GPR61: variants seen among roughly 807,000 people sequenced by gnomAD.
GPR61 encodes G-protein coupled receptor 61.
A neutral mutation model predicts 29.2 loss-of-function variants in GPR61; 15 were observed. The ratio of observed to expected loss-of-function variants is 0.51; its 90% CI spans 0.34 to 0.79. The LOEUF (loss-of-function observed/expected upper bound fraction) is 0.79. Among genes scored for constraint, GPR61 ranks in the 30% least tolerant of loss-of-function variants. GPR61 has a pLI of 0.01. For missense variants in GPR61, 399 were observed against 582.5 expected (o/e 0.69, Z 3.24); for synonymous variants, 238 against 242.3 (o/e 0.98, Z 0.17).
Position 109,544,138 on chromosome 1 carries a change from C to T in GPR61, c.1116C>T (p.Ser372=). ...PAPEEELRLP[S]REGSIEENFL... is the part of the protein sequence containing the mutation. ...CAGAGGAGGAGCTGAGGCTGCCTAG[C>T]CGGGAGGGCTCCATTGAGGAGAACT... The change falls in exon 2 of 2, where the codon AGC becomes AGT. Residue 372 remains serine (S), a synonymous_variant. Coordinates refer to ENST00000527748, the MANE Select transcript of GPR61 (RefSeq NM_001393907.1). This position sits in a 1 kb window ranked among gnomAD's most constrained non-coding sequence, Gnocchi z 4.6. 6.2e-7 allele frequency: 1 copy of T among 1,614,108 alleles called. No individual in the cohort carries two copies. Among genetic ancestry groups the T allele is most frequent in the East Asian group, 2.2e-5 (1 of 44,876 alleles).
intron 1 of GPR61, among the ~76,000 whole-genome samples, chr1:109,541,760 A>C (rs1647648480): frequency 6.6e-6 from 1 of 152,238 alleles, no homozygotes; most frequent in Non-Finnish European, 1.5e-5. Flanking sequence ...AGAGGGGCAC[A>C]GTGGCCTTGA....
rs1647690380 is a variant in GPR61 at position 109,543,235 on chromosome 1, T to C, written c.213T>C (p.Pro71=). ...AAVMAVIAKT[P]ALRKFVFVFH... Reference sequence around the variant, plus strand: ...TGATGGCCGTGATCGCCAAGACGCCTGCCCTCCGAAAATTTGTCTTCGTCT... The same window carrying C: ...TGATGGCCGTGATCGCCAAGACGCCCGCCCTCCGAAAATTTGTCTTCGTCT... Residue 71 remains proline (P), a synonymous_variant, in exon 2 of 2, where the codon CCT becomes CCC. Coordinates refer to ENST00000527748, the MANE Select transcript of GPR61 (RefSeq NM_001393907.1). The surrounding 1 kb of genome is among the most constrained non-coding windows in gnomAD (Gnocchi z 6.8). 5 of 1,614,088 alleles carry C rather than the reference T, an allele frequency of 3.1e-6. No individual in the cohort carries two copies. Among genetic ancestry groups the C allele is most frequent in the East Asian group, 2.2e-5 (1 of 44,880 alleles).
intron 1 of GPR61, among the ~76,000 whole-genome samples, chr1:109,540,916 C>T (rs184299633): frequency 5.3e-4 from 80 of 152,300 alleles, no homozygotes; most frequent in African/African-American, 1.8e-3. Flanking sequence ...TCCAGCTCCA[C>T]GTGGAAACCA....
In GPR61 at chr1:109,546,593, T is replaced by G. The variant is rs1002888054; in HGVS notation, c.*2215T>G. 1 of 152,218 alleles carries G rather than the reference T, an allele frequency of 6.6e-6. No individual in the cohort carries two copies. The highest frequency in any genetic ancestry group is 1.5e-5 in the Non-Finnish European group (1 of 68,030). The allele number at this position is 152,218 out of a possible 1,614,324, so 9.4% of individuals were successfully genotyped here. On this transcript the variant is annotated 3_prime_UTR_variant, in exon 2 of 2. Coordinates refer to ENST00000527748, the MANE Select transcript of GPR61 (RefSeq NM_001393907.1). ...TTTGCCCTCCAGCCCTTCCTTCACA[T>G]ACATCAAAGAAGAAAGTTTTAAGAG... is the stretch of plus-strand genomic sequence containing the variant.
intron 1 of GPR61, among the ~76,000 whole-genome samples, chr1:109,542,124 A>C (rs1647660303): frequency 6.6e-6 from 1 of 152,372 alleles, no homozygotes; most frequent in South Asian, 2.1e-4. Context: ...CTGGGGCCAG[A>C]CTGCCCAGGT....
In GPR61 at chr1:109,543,832, G is replaced by A. The variant is rs200103322; in HGVS notation, c.810G>A (p.Gly270=). 2.6e-5 allele frequency: 42 copies of A among 1,613,340 alleles called. No homozygotes were observed. Among genetic ancestry groups the A allele is most frequent in the Non-Finnish European group, 3.5e-5 (41 of 1,180,052 alleles). ...GCTCCACGATGGTCACCAGCTCGGG[G>A]GCCCCCCAGACCACCCCACACCGGA... ...SSRSTMVTSS[G]APQTTPHRTF... The change falls in exon 2 of 2, where the codon GGG becomes GGA. Residue 270 remains glycine (G), a synonymous_variant. Coordinates refer to ENST00000527748, the MANE Select transcript of GPR61 (RefSeq NM_001393907.1). This position sits in a 1 kb window ranked among gnomAD's most constrained non-coding sequence, Gnocchi z 6.8.
chr1:109,546,411 A>G lies in GPR61; in HGVS notation c.*2033A>G, dbSNP rs1215131399. The G allele has an allele frequency of 6.6e-6, 1 of 152,120 alleles. No individual in the cohort carries two copies. Among genetic ancestry groups the G allele is most frequent in the East Asian group, 1.9e-4 (1 of 5,190 alleles). The allele number at this position is 152,120 out of a possible 1,614,324, so 9.4% of individuals were successfully genotyped here. A position where few individuals can be genotyped will look rare whatever the true frequency, so the allele number is the denominator to read the frequency against. On this transcript the variant is annotated 3_prime_UTR_variant, in exon 2 of 2. Coordinates refer to ENST00000527748, the MANE Select transcript of GPR61 (RefSeq NM_001393907.1). The stretch of plus-strand genomic sequence containing the variant: ...GGAAAAAACTCTTCTTTCAAACACC[A>G]CTGATCAGCTATTAGATCCAAGGAA...
In GPR61 at chr1:109,543,283, G is replaced by A; in HGVS notation, c.261G>A (p.Leu87=). The A allele has an allele frequency of 6.2e-7, 1 of 1,614,086 alleles. No individual in the cohort carries two copies. The highest frequency in any genetic ancestry group is 1.1e-5 in the South Asian group (1 of 91,088). The change falls in exon 2 of 2, where the codon CTG becomes CTA. Residue 87 remains leucine, a synonymous_variant. Transcript: ENST00000527748. The surrounding 1 kb of genome is among the most constrained non-coding windows in gnomAD (Gnocchi z 6.8). ...VFVFHLCLVD[L]LAALTLMPLA... ...TCTTCCACCTCTGCCTGGTGGACCT[G>A]CTGGCTGCCCTGACCCTCATGCCCC...
intron 1 of GPR61, among the ~76,000 whole-genome samples, chr1:109,540,447 C>A (rs527765769): frequency 6.6e-6 from 1 of 152,176 alleles, no homozygotes; most frequent in Non-Finnish European, 1.5e-5. Context: ...CATGTGAATC[C>A]CAATACCTCT....
chr1:109,543,005 G>T lies in GPR61; in HGVS notation c.-18G>T, dbSNP rs772745937. 5 of 1,547,804 alleles carry T rather than the reference G, an allele frequency of 3.2e-6. No homozygotes were observed. In the Admixed American group the frequency reaches 9.6e-5, roughly 30 times the overall value. On this transcript the variant is annotated 5_prime_UTR_variant, in exon 2 of 2. Transcript: ENST00000527748. This position sits in a 1 kb window ranked among gnomAD's most constrained non-coding sequence, Gnocchi z 6.8. ...GGGCCTGTGACAGGAGGTACCCTGGGTGCCCTCTTTCGGCCCCATGGAGTC... is the reference window on the plus strand; with the variant it reads ...GGGCCTGTGACAGGAGGTACCCTGGTTGCCCTCTTTCGGCCCCATGGAGTC...
In GPR61 at chr1:109,543,064, C is replaced by T. The variant is rs761569628; in HGVS notation, c.42C>T (p.Ser14=). The T allele has an allele frequency of 1.9e-6, 3 of 1,552,126 alleles. No homozygotes were observed. Among genetic ancestry groups the T allele is most frequent in the Non-Finnish European group, 2.6e-6 (3 of 1,147,882 alleles). ...SPIPQSSGNS[S]TLGRVPQTPG... is the part of the protein sequence containing the mutation. ...TCCCCCAGTCATCAGGGAACTCTTC[C>T]ACTTTGGGGAGGGTCCCTCAAACCC... The change falls in exon 2 of 2, where the codon TCC becomes TCT. Residue 14 remains serine (S), a synonymous_variant. Coordinates refer to ENST00000527748, the MANE Select transcript of GPR61 (RefSeq NM_001393907.1). The surrounding 1 kb of genome is among the most constrained non-coding windows in gnomAD (Gnocchi z 6.8).
rs1169238247 is a variant in GPR61 at position 109,546,256 on chromosome 1, A to G, written c.*1878A>G. 6.6e-6 allele frequency: 1 copy of G among 152,180 alleles called. No homozygotes were observed. The highest frequency in any genetic ancestry group is 6.5e-5 in the Admixed American group (1 of 15,286). 9.4% of individuals were successfully genotyped at this position (152,180 alleles called of 1,614,324 possible). On this transcript the variant is annotated 3_prime_UTR_variant, in exon 2 of 2. Coordinates refer to ENST00000527748, the MANE Select transcript of GPR61 (RefSeq NM_001393907.1). The stretch of plus-strand genomic sequence containing the variant: ...AGATTATTATACCAGTCTAGTGCCT[A>G]TTACATTGTGGAAGTTCCCTAAAAA...
rs1647740190 is a variant in GPR61 at position 109,544,471 on chromosome 1, G to A, written c.*93G>A. Reference sequence around the variant, plus strand: ...GATCACCTTTTCCCAGCTGGCTAGGGCTGAGGCTGGGGTCTCTGCACACAG... The same window carrying A: ...GATCACCTTTTCCCAGCTGGCTAGGACTGAGGCTGGGGTCTCTGCACACAG... On this transcript the variant is annotated 3_prime_UTR_variant, in exon 2 of 2. Transcript: ENST00000527748. The surrounding 1 kb of genome is among the most constrained non-coding windows in gnomAD (Gnocchi z 4.6). 2.1e-6 allele frequency: 2 copies of A among 950,146 alleles called. No individual in the cohort carries two copies. Among genetic ancestry groups the A allele is most frequent in the African/African-American group, 1.6e-5 (1 of 61,104 alleles). The allele number at this position is 950,146 out of a possible 1,614,324, so 58.9% of individuals were successfully genotyped here. A position where few individuals can be genotyped will look rare whatever the true frequency, so the allele number is the denominator to read the frequency against.
Position 109,539,936 on chromosome 1 carries a change from C to G in GPR61, c.-619C>G, listed in dbSNP as rs762615009. The G allele has an allele frequency of 1.3e-5, 2 of 152,278 alleles. No individual in the cohort carries two copies. The highest frequency in any genetic ancestry group is 2.9e-5 in the Non-Finnish European group (2 of 68,148). 9.4% of individuals were successfully genotyped at this position (152,278 alleles called of 1,614,324 possible). A position where few individuals can be genotyped will look rare whatever the true frequency, so the allele number is the denominator to read the frequency against. On this transcript the variant is annotated 5_prime_UTR_variant, in exon 1 of 2. Transcript: ENST00000527748. ...CTGAGAGGAGCTATCACATGGGAGC[C>G]GGGACTGCTCAGCAAAGGTAGGAGT...
Position 109,542,730 on chromosome 1 carries a change from A to G in GPR61, c.-293A>G. 1 of 625,144 alleles carries G rather than the reference A, an allele frequency of 1.6e-6. No individual in the cohort carries two copies. The highest frequency in any genetic ancestry group is 3.0e-6 in the Non-Finnish European group (1 of 335,456). 38.7% of individuals were successfully genotyped at this position (625,144 alleles called of 1,614,324 possible). On this transcript the variant is annotated 5_prime_UTR_variant, in exon 2 of 2. Coordinates refer to ENST00000527748, the MANE Select transcript of GPR61 (RefSeq NM_001393907.1). ...AAGGAAGAGGTGAAGGCCATTCCGA[A>G]AGCGGAGTGTTGAGTGGGTCAGGCT... is the stretch of plus-strand genomic sequence containing the variant.
chr1:109,544,349 C>A lies in GPR61; in HGVS notation c.1327C>A (p.Pro443Thr). Reference protein sequence around the residue: ...DIIMSDSYLRPAASPRLES With the variant: ...DIIMSDSYLRTAASPRLES ...CATCATGTCAGACAGCTACCTCCGT[C>A]CTGCCGCCTCACCCCGGCTGGAGTC... Residue 443 changes from proline (P) to threonine (T), a missense_variant, in exon 2 of 2, where the codon CCT (proline) becomes ACT (threonine). Physicochemically the swap from Pro to Thr is conservative, Grantham distance 38. Around this residue, in one of 3 missense-constraint regions of GPR61, gnomAD observed 320 missense variants for 459.8 expected, o/e 0.70. Transcript: ENST00000527748. The surrounding 1 kb of genome is among the most constrained non-coding windows in gnomAD (Gnocchi z 4.6). 6.2e-7 allele frequency: 1 copy of A among 1,613,180 alleles called. No individual in the cohort carries two copies. Among genetic ancestry groups the A allele is most frequent in the South Asian group, 1.1e-5 (1 of 91,040 alleles).
In GPR61 at chr1:109,544,347, G is replaced by T. The variant is rs190128878; in HGVS notation, c.1325G>T (p.Arg442Leu). 23 of 1,613,078 alleles carry T rather than the reference G, an allele frequency of 1.4e-5. No homozygotes were observed. Among genetic ancestry groups the T allele is most frequent in the Non-Finnish European group, 1.9e-5 (23 of 1,179,772 alleles). ...SDIIMSDSYL[R>L]PAASPRLES is the part of the protein sequence containing the mutation. ...ATCATCATGTCAGACAGCTACCTCC[G>T]TCCTGCCGCCTCACCCCGGCTGGAG... The change falls in exon 2 of 2, where the codon CGT (arginine) becomes CTT (leucine). Residue 442 changes from arginine (R) to leucine (L), a missense_variant. Physicochemically the swap from Arg to Leu is moderately radical, Grantham distance 102 (BLOSUM62 -2). Around this residue, in one of 3 missense-constraint regions of GPR61, gnomAD observed 320 missense variants for 459.8 expected, o/e 0.70. Transcript: ENST00000527748. This position sits in a 1 kb window ranked among gnomAD's most constrained non-coding sequence, Gnocchi z 4.6.
rs575394390 is a variant in GPR61, at chr1:109,545,780, G to A, written c.*1402G>A. ...ATCAAAAGGGGAAATGGGCTGGTGGGAGTGGGATAGTCTCCCATTTAAGCA... is the reference window on the plus strand; with the variant it reads ...ATCAAAAGGGGAAATGGGCTGGTGGAAGTGGGATAGTCTCCCATTTAAGCA... On this transcript the variant is annotated 3_prime_UTR_variant, in exon 2 of 2. Coordinates refer to ENST00000527748, the MANE Select transcript of GPR61 (RefSeq NM_001393907.1). 6.6e-6 allele frequency: 1 copy of A among 152,342 alleles called. No individual in the cohort carries two copies. The highest frequency in any genetic ancestry group is 2.1e-4 in the South Asian group (1 of 4,830). 9.4% of individuals were successfully genotyped at this position (152,342 alleles called of 1,614,324 possible).
At chr1:109,542,140 C>T (rs2101077487) in intron 1 of GPR61, among the ~76,000 whole-genome samples, 1 of 152,338 alleles carries the variant, frequency 6.6e-6, no homozygotes, top group East Asian at 1.9e-4. Context: ...CAGGTAGGTG[C>T]CCAGCCCTTG....
Sources: gnomAD v4.1 joint callset for allele counts (sites outside exome capture counted in the v4.1 genomes callset) on GRCh38, gnomAD v4.1.1 for gene constraint, gnomAD v4.1.1 regional missense constraint, Gnocchi (gnomAD v3.1) non-coding constraint, MANE v1.5 for transcripts, NCBI Gene and HGNC (gene_info 2026-07-23, HGNC 2026-07-21) for gene names.